The following BCO1 variants were observed in gnomAD, a reference collection of about 807,000 sequenced individuals.
BCO1 encodes beta-carotene oxygenase 1, also known as beta,beta-carotene 15,15'-dioxygenase.
In BCO1, 54 loss-of-function variants were observed where a neutral mutation model predicts 56.3. That is an observed-to-expected ratio of 0.96 (90% confidence interval 0.77 to 1.20). The LOEUF is 1.20. BCO1 is among the 50% of genes most tolerant of loss of function. BCO1 has a pLI of 0.00. For synonymous variants in BCO1, 318 were observed against 266.1 expected (o/e 1.20, Z -1.90); for missense variants, 801 against 690.9 (o/e 1.16, Z -1.79).
Position 81,259,457 on chromosome 16 carries a change from A to G in BCO1, c.194-219A>G, listed in dbSNP as rs149219639. 0.035 allele frequency among the ~76,000 whole-genome samples: 5,399 copies of G among 152,250 alleles called. 300 individuals are homozygous for G. The highest frequency in any genetic ancestry group is 0.12 in the African/African-American group (5,102 of 41,512). On this transcript the variant is annotated intron_variant, in intron 2 of 10. Coordinates refer to ENST00000258168, the MANE Select transcript of BCO1 (RefSeq NM_017429.3). ...TGCAGTGAGCCGAGATCGCACCATT[A>G]TATTCCAGCCTGGGCAACAAGAGCA... is the stretch of plus-strand genomic sequence containing the variant.
chr16:81,285,129 T>A (rs1339215553), intron 8 of BCO1, among the ~76,000 whole-genome samples: 1 of 152,210 alleles, frequency 6.6e-6, no homozygotes, highest in Non-Finnish European at 1.5e-5. Flanking sequence ...CATGAGCCAC[T>A]GCGCCCAGCC....
chr16:81,250,081 T>C (rs1284148955), intron 2 of BCO1, among the ~76,000 whole-genome samples: 1 of 152,142 alleles, frequency 6.6e-6, no homozygotes, highest in African/African-American at 2.4e-5. Context: ...GCCCCAAGTG[T>C]TTCATGTCCA....
chr16:81,278,977 AT>A (rs758428444), intron 7 of BCO1, among the ~76,000 whole-genome samples: 93 of 152,290 alleles, frequency 6.1e-4, no homozygotes, highest in Non-Finnish European at 1.0e-3. Flanking sequence ...GTTGGTTTTA[AT>A]TATAAAAGCC....
At chr16:81,239,026 T>C in intron 1 of BCO1, 54 bp downstream of exon 1, 1 of 1,514,732 alleles carries the variant, frequency 6.6e-7, no homozygotes. Context: ...TATTATTTTT[T>C]TTTTTTTTGA....
At chr16:81,290,196 C>A in intron 10 of BCO1, 152 bp from the exon 11 acceptor site, 2 of 744,704 alleles carry the variant, frequency 2.7e-6, no homozygotes, top group South Asian at 1.6e-5. Context: ...AGTTGCCAGG[C>A]CTTTCCCTTC....
At chr16:81,250,461 A>G (rs146805956) in intron 2 of BCO1, among the ~76,000 whole-genome samples, 41 of 152,168 alleles carry the variant, frequency 2.7e-4, no homozygotes, top group African/African-American at 9.2e-4. Flanking sequence ...AGAAATGTTC[A>G]GTTCCACTCT....
At chr16:81,282,108 G>C (rs1907916070) in intron 8 of BCO1, among the ~76,000 whole-genome samples, 1 of 152,248 alleles carries the variant, frequency 6.6e-6, no homozygotes, top group South Asian at 2.1e-4. Flanking sequence ...GCTGGGCACG[G>C]TGGCTCACGC....
At chr16:81,269,137 C>T in intron 6 of BCO1, among the ~76,000 whole-genome samples, 1 of 138,136 alleles carries the variant, frequency 7.2e-6, no homozygotes, top group Non-Finnish European at 1.5e-5. Flanking sequence ...TCAGTGTTAC[C>T]TATTCAAAGA....
At chr16:81,260,381 A>G (rs761500692) in intron 3 of BCO1, among the ~76,000 whole-genome samples, 6 of 152,190 alleles carry the variant, frequency 3.9e-5, no homozygotes, top group Non-Finnish European at 5.9e-5. Flanking sequence ...GCAGTAAGAA[A>G]TCTAAATTAA....
intron 7 of BCO1, among the ~76,000 whole-genome samples, chr16:81,278,499 C>G (rs894546140): frequency 6.6e-6 from 1 of 152,180 alleles, no homozygotes; most frequent in Non-Finnish European, 1.5e-5. Context: ...ATTAATTCAG[C>G]GATTACTTCC....
intron 2 of BCO1, among the ~76,000 whole-genome samples, chr16:81,247,328 T>C (rs1428546975): frequency 1.3e-5 from 2 of 152,024 alleles, no homozygotes; most frequent in African/African-American, 4.8e-5. Flanking sequence ...TATTGGACGT[T>C]CTAGCAAGGG....
Position 81,238,813 on chromosome 16 carries a change from C to A in BCO1, c.-96C>A. On this transcript the variant is annotated 5_prime_UTR_variant, in exon 1 of 11. Transcript: ENST00000258168. Reference sequence around the variant, plus strand: ...GTGAAGGAGGGAAGGAGCAGGAGAGCAGGAAGGAAACGCAGGAGGAGGGAG... The same window carrying A: ...GTGAAGGAGGGAAGGAGCAGGAGAGAAGGAAGGAAACGCAGGAGGAGGGAG... 1.9e-6 allele frequency: 2 copies of A among 1,047,396 alleles called. No homozygotes were observed. Among genetic ancestry groups the A allele is most frequent in the Non-Finnish European group, 3.0e-6 (2 of 666,622 alleles). The allele number at this position is 1,047,396 out of a possible 1,614,324, so 64.9% of individuals were successfully genotyped here. A position where few individuals can be genotyped will look rare whatever the true frequency, so the allele number is the denominator to read the frequency against.
chr16:81,264,546 T>G, intron 4 of BCO1, 94 bp from the exon 5 acceptor site: 7 of 1,474,052 alleles, frequency 4.7e-6, no homozygotes, highest in Non-Finnish European at 5.7e-6. Flanking sequence ...TCATAGGACT[T>G]CAACCTTTCT....
Position 81,287,313 on chromosome 16 carries a change from C to T in BCO1, c.1321C>T (p.Leu441Phe). The T allele has an allele frequency of 6.2e-7, 1 of 1,613,302 alleles. No homozygotes were observed. The highest frequency in any genetic ancestry group is 8.5e-7 in the Non-Finnish European group (1 of 1,179,286). The change falls in exon 10 of 11, where the codon CTC becomes TTC. Residue 441 changes from leucine to phenylalanine, a missense_variant. Coordinates refer to ENST00000258168, the MANE Select transcript of BCO1 (RefSeq NM_017429.3). Reference sequence around the variant, plus strand: ...TGTACAGATAATAAAATATGACATTCTCACAAAGTCATCCTTAAAATGGAG... The same window carrying T: ...TGTACAGATAATAAAATATGACATTTTCACAAAGTCATCCTTAAAATGGAG... ...IPTKIIKYDI[L>F]TKSSLKWRED...
At position 81,261,232 on chromosome 16, in the gene BCO1, G is replaced by A. The variant is rs74029096; in HGVS notation, c.324-904G>A. On this transcript the variant is annotated intron_variant, in intron 3 of 10. Transcript: ENST00000258168. ...AACCAAGCCTCCTTTTTGTTCCAGT[G>A]TTTGCCAGTAGGAGGAGCACTCCCC... Among the ~76,000 whole-genome samples the A allele has an allele frequency of 4.2e-3, 638 of 152,270 alleles. 3 individuals are homozygous for A. The highest frequency in any genetic ancestry group is 0.015 in the African/African-American group (620 of 41,548).
chr16:81,245,417 T>G (rs1045920139), intron 1 of BCO1, 58 bp from the exon 2 acceptor site: 1 of 1,613,714 alleles, frequency 6.2e-7, no homozygotes, highest in African/African-American at 1.3e-5. Flanking sequence ...TGACCATTTC[T>G]TCCAGCATTT....
chr16:81,256,285 C>T (rs1293559999), intron 2 of BCO1, among the ~76,000 whole-genome samples: 2 of 152,088 alleles, frequency 1.3e-5, no homozygotes, highest in Non-Finnish European at 2.9e-5. Flanking sequence ...CCTAAGATAT[C>T]AAAAGGCACT....
rs1908416589 is a variant in BCO1, at chr16:81,290,713, A to G, written c.*136A>G. On this transcript the variant is annotated 3_prime_UTR_variant, in exon 11 of 11. Coordinates refer to ENST00000258168, the MANE Select transcript of BCO1 (RefSeq NM_017429.3). Reference sequence around the variant, plus strand: ...TGGGTGCTTTGACAAGGGCATGGCAAGAGAGCTTGTCAGTATCATTTCTTT... The same window carrying G: ...TGGGTGCTTTGACAAGGGCATGGCAGGAGAGCTTGTCAGTATCATTTCTTT... The G allele has an allele frequency of 1.5e-6, 1 of 679,012 alleles. No individual in the cohort carries two copies. The highest frequency in any genetic ancestry group is 1.8e-5 in the African/African-American group (1 of 55,538). The allele number at this position is 679,012 out of a possible 1,614,324, so 42.1% of individuals were successfully genotyped here. A position where few individuals can be genotyped will look rare whatever the true frequency, so the allele number is the denominator to read the frequency against.
At chr16:81,264,360 C>A (rs1159520382) in intron 4 of BCO1, among the ~76,000 whole-genome samples, 2 of 152,166 alleles carry the variant, frequency 1.3e-5, no homozygotes, top group East Asian at 3.9e-4. Context: ...AGAAGCACAC[C>A]AGCTCCCTAA....
Sources: allele counts gnomAD v4.1 joint callset (sites outside exome capture counted in the v4.1 genomes callset), GRCh38; gene constraint gnomAD v4.1.1; transcripts MANE v1.5; gene names NCBI Gene and HGNC (gene_info 2026-07-23, HGNC 2026-07-21).